Variants in POMGNT2 observed in about 807,000 individuals in gnomAD.
POMGNT2 encodes protein O-linked-mannose beta-1,4-N-acetylglucosaminyltransferase 2.
POMGNT2 carries 32 observed loss-of-function variants against 37.8 expected under a neutral mutation model. The observed-to-expected ratio is 0.85, with a 90% CI of 0.64 to 1.14. POMGNT2 has a LOEUF of 1.14. Ranked by LOEUF, POMGNT2 falls within the 50% of genes most tolerant of loss-of-function variation. The pLI is 0.00. For missense variants in POMGNT2, 705 were observed against 780.6 expected (o/e 0.90, Z 1.15); for synonymous variants, 340 against 336.8 (o/e 1.01, Z -0.10).
intron 1 of POMGNT2, among the ~76,000 whole-genome samples, chr3:43,104,367 G>A (rs1160558995): frequency 6.6e-6 from 1 of 152,192 alleles, no homozygotes; most frequent in Non-Finnish European, 1.5e-5. Context: ...TCTAGTTAGT[G>A]CAATATTTAC....
At chr3:43,091,475 T>C (rs991118931) in intron 1 of POMGNT2, among the ~76,000 whole-genome samples, 1 of 152,172 alleles carries the variant, frequency 6.6e-6, no homozygotes, top group Non-Finnish European at 1.5e-5. Flanking sequence ...AGAATTCCAA[T>C]TAAAAAATGT....
At chr3:43,081,599 CCTG>C in intron 1 of POMGNT2, 63 bp from the exon 2 acceptor site, 1 of 648,010 alleles carries the variant, frequency 1.5e-6, no homozygotes, top group Admixed American at 3.1e-5. Flanking sequence ...ATTACAAGCT[CCTG>C]CTATGTGCCA....
rs1409499829 is a variant in POMGNT2 at position 43,098,560 on chromosome 3, G to A, written c.-106+7276C>T. On this transcript the variant is annotated intron_variant, in intron 1 of 1. Transcript: ENST00000344697. This position sits in a 1 kb window ranked among gnomAD's most constrained non-coding sequence, Gnocchi z 4.3. ...AAAACTTAACACATTTAATTATCAA[G>A]GCATATTTAACATTTAGTTAAGGGC... is the stretch of plus-strand genomic sequence containing the variant. 6.6e-6 allele frequency among the ~76,000 whole-genome samples: 1 copy of A among 152,098 alleles called. No homozygotes were observed. Among genetic ancestry groups the A allele is most frequent in the Non-Finnish European group, 1.5e-5 (1 of 68,020 alleles).
Position 43,080,811 on chromosome 3 carries a change from C to T in POMGNT2, c.621G>A (p.Lys207=). Residue 207 remains lysine, a synonymous_variant, in exon 2 of 2, where the codon AAG becomes AAA. Coordinates refer to ENST00000344697, the MANE Select transcript of POMGNT2 (RefSeq NM_032806.6). ...WGEGAHFDLY[K]LLSPKQPLLR... is the part of the protein sequence containing the mutation. ...GGAGAGGCTGCTTGGGGCTGAGCAG[C>T]TTGTAGAGGTCGAAGTGTGCACCCT... 1.2e-6 allele frequency: 2 copies of T among 1,614,000 alleles called. No homozygotes were observed. The highest frequency in any genetic ancestry group is 1.7e-6 in the Non-Finnish European group (2 of 1,180,018).
At chr3:43,088,533 G>A (rs1020588221) in intron 1 of POMGNT2, among the ~76,000 whole-genome samples, 2 of 152,154 alleles carry the variant, frequency 1.3e-5, no homozygotes, top group African/African-American at 4.8e-5. Context: ...TGACACCCAC[G>A]AGGCTCAGAG....
intron 1 of POMGNT2, among the ~76,000 whole-genome samples, chr3:43,094,080 T>A (rs374457195): frequency 6.6e-6 from 1 of 152,152 alleles, no homozygotes; most frequent in Non-Finnish European, 1.5e-5. Context: ...CAACAAGCAA[T>A]TGGGCAGTCA....
chr3:43,097,879 T>C (rs1389578858), intron 1 of POMGNT2, among the ~76,000 whole-genome samples: 1 of 152,210 alleles, frequency 6.6e-6, no homozygotes, highest in Non-Finnish European at 1.5e-5. Flanking sequence ...TAAAAACGGA[T>C]GCTCATTTGC....
chr3:43,099,595 T>C (rs1450949759), intron 1 of POMGNT2, among the ~76,000 whole-genome samples: 2 of 152,020 alleles, frequency 1.3e-5, no homozygotes, highest in Non-Finnish European at 2.9e-5. Flanking sequence ...GCCCAGGCTG[T>C]GGGGCAGGCA....
chr3:43,087,234 T>C (rs954612022), intron 1 of POMGNT2, among the ~76,000 whole-genome samples: 3 of 152,236 alleles, frequency 2.0e-5, no homozygotes, highest in Non-Finnish European at 4.4e-5. Flanking sequence ...AGCCACTAAA[T>C]GTGTGCTAAT....
intron 1 of POMGNT2, among the ~76,000 whole-genome samples, chr3:43,082,294 C>T (rs1331079203): frequency 1.3e-5 from 2 of 152,178 alleles, no homozygotes; most frequent in Admixed American, 6.5e-5. Context: ...AGTATGCCGC[C>T]TTTGAGAGAC....
At chr3:43,100,087 C>T (rs1254585321) in intron 1 of POMGNT2, among the ~76,000 whole-genome samples, 2 of 152,046 alleles carry the variant, frequency 1.3e-5, no homozygotes, top group Non-Finnish European at 2.9e-5. Context: ...AAAAAAGTTG[C>T]ATGTATAGGA....
Position 43,079,456 on chromosome 3 carries a change from A to C in POMGNT2, c.*233T>G. 2.0e-6 allele frequency: 1 copy of C among 492,214 alleles called. No homozygotes were observed. The allele number at this position is 492,214 out of a possible 1,614,324, so 30.5% of individuals were successfully genotyped here. On this transcript the variant is annotated 3_prime_UTR_variant, in exon 2 of 2. Transcript: ENST00000344697. ...TCCTCTCCTCTTCCTCCTCCCTGCT[A>C]AGGAACTTCTCCAGGGGTACAAATG... is the stretch of plus-strand genomic sequence containing the variant.
At chr3:43,082,140 G>GAGGCCATAGGAAAGAC (rs2125701835) in intron 1 of POMGNT2, among the ~76,000 whole-genome samples, 1 of 152,362 alleles carries the variant, frequency 6.6e-6, no homozygotes, top group Non-Finnish European at 1.5e-5. Flanking sequence ...CTAACAAAGA[G>GAGGCCATAGGAAAGAC]AGGCCATAGG....
At chr3:43,095,647 A>T (rs2089974643) in intron 1 of POMGNT2, among the ~76,000 whole-genome samples, 1 of 152,204 alleles carries the variant, frequency 6.6e-6, no homozygotes, top group South Asian at 2.1e-4. Context: ...TTTTTAGATG[A>T]GGAACCGGAG....
At chr3:43,091,637 A>G (rs910531516) in intron 1 of POMGNT2, among the ~76,000 whole-genome samples, 1 of 152,238 alleles carries the variant, frequency 6.6e-6, no homozygotes, top group South Asian at 2.1e-4. Flanking sequence ...CATGAGGTGC[A>G]TATTAATTAC....
At chr3:43,104,358 C>T (rs2090041924) in intron 1 of POMGNT2, among the ~76,000 whole-genome samples, 1 of 152,222 alleles carries the variant, frequency 6.6e-6, no homozygotes, top group South Asian at 2.1e-4. Context: ...ATCTAATTTT[C>T]TAGTTAGTGC....
chr3:43,103,497 T>C (rs944160079), intron 1 of POMGNT2, among the ~76,000 whole-genome samples: 2 of 152,164 alleles, frequency 1.3e-5, no homozygotes, highest in Non-Finnish European at 2.9e-5. Flanking sequence ...GCGACAGGGC[T>C]TGCCTGGGCT....
chr3:43,080,444 C>T lies in POMGNT2; in HGVS notation c.988G>A (p.Asp330Asn). 1 of 1,614,228 alleles carries T rather than the reference C, an allele frequency of 6.2e-7. No homozygotes were observed. The highest frequency in any genetic ancestry group is 8.5e-7 in the Non-Finnish European group (1 of 1,180,040). Residue 330 changes from aspartate to asparagine, a missense_variant, in exon 2 of 2, where the codon GAT (aspartate) becomes AAT (asparagine). Asp to Asn is a conservative substitution (Grantham distance 23). Coordinates refer to ENST00000344697, the MANE Select transcript of POMGNT2 (RefSeq NM_032806.6). ...TVSLEDHTFA[D>N]VVRLVSNASM... Reference sequence around the variant, plus strand: ...GCATTGCTGACCAGCCGCACGACATCAGCAAAGGTGTGGTCCTCCAGGGAC... The same window carrying T: ...GCATTGCTGACCAGCCGCACGACATTAGCAAAGGTGTGGTCCTCCAGGGAC...
intron 1 of POMGNT2, among the ~76,000 whole-genome samples, chr3:43,102,507 G>GA: frequency 6.6e-6 from 1 of 152,196 alleles, no homozygotes; most frequent in South Asian, 2.1e-4. Flanking sequence ...GGTTAACTAA[G>GA]AAAAAAAGGA....
Sources: gnomAD v4.1 joint callset for allele counts (sites outside exome capture counted in the v4.1 genomes callset) on GRCh38, gnomAD v4.1.1 for gene constraint, Gnocchi (gnomAD v3.1) non-coding constraint, MANE v1.5 for transcripts, NCBI Gene and HGNC (gene_info 2026-07-23, HGNC 2026-07-21) for gene names.